The following RORB variants were observed in gnomAD, a reference collection of about 807,000 sequenced individuals.
RORB encodes nuclear receptor ROR-beta.
RORB carries 6 observed loss-of-function variants against 59.1 expected under a neutral mutation model. The ratio of observed to expected loss-of-function variants is 0.10; its 90% CI spans 0.06 to 0.20. The LOEUF (loss-of-function observed/expected upper bound fraction) is 0.20. Ranked by LOEUF, RORB falls within the 10% of genes least tolerant of loss-of-function variation. RORB has a pLI of 1.00. For synonymous variants in RORB, 215 were observed against 204.5 expected (o/e 1.05, Z -0.44); for missense variants, 320 against 560.5 (o/e 0.57, Z 4.33).
At chr9:74,631,139 G>A (rs1318362350) in intron 2 of RORB, among the ~76,000 whole-genome samples, 1 of 152,160 alleles carries the variant, frequency 6.6e-6, no homozygotes. Flanking sequence ...AAGAGCTGGA[G>A]GAATAGCAGT....
rs1824659384 is a variant in RORB at position 74,687,015 on chromosome 9, T to C, written c.*1397T>C. 1 of 152,146 alleles carries C rather than the reference T, an allele frequency of 6.6e-6. No individual in the cohort carries two copies. The highest frequency in any genetic ancestry group is 1.5e-5 in the Non-Finnish European group (1 of 68,006). 9.4% of individuals were successfully genotyped at this position (152,146 alleles called of 1,614,324 possible). On this transcript the variant is annotated 3_prime_UTR_variant, in exon 10 of 10. Coordinates refer to ENST00000376896, the MANE Select transcript of RORB (RefSeq NM_006914.4). ...AACTTTTAGAAATAAAGAATACAAC[T>C]GTGACATTAGGATCAGAGATTTTAG...
chr9:74,580,749 G>A (rs546575961), intron 1 of RORB, among the ~76,000 whole-genome samples: 24 of 152,192 alleles, frequency 1.6e-4, no homozygotes, highest in African/African-American at 5.8e-4. Context: ...AAGAAAACTC[G>A]CTAGCCAATG....
intron 1 of RORB, among the ~76,000 whole-genome samples, chr9:74,592,049 T>C (rs554860455): frequency 6.6e-6 from 1 of 152,140 alleles, no homozygotes; most frequent in East Asian, 1.9e-4. Flanking sequence ...AAATAGGAAG[T>C]AGATGACTGT....
chr9:74,602,245 G>A (rs772936599), intron 1 of RORB, among the ~76,000 whole-genome samples: 39 of 152,234 alleles, frequency 2.6e-4, no homozygotes, highest in Middle Eastern at 6.8e-3. Flanking sequence ...GATAAAAATC[G>A]CAAGATGTAA....
chr9:74,667,181 C>A (rs188874518), intron 7 of RORB, among the ~76,000 whole-genome samples: 13 of 152,106 alleles, frequency 8.5e-5, no homozygotes, highest in African/African-American at 3.1e-4. Context: ...TGCCAAAATA[C>A]GCAACAGCTA....
chr9:74,662,401 G>T, intron 5 of RORB, 73 bp from the exon 6 acceptor site: 1 of 1,501,500 alleles, frequency 6.7e-7, no homozygotes, highest in Admixed American at 1.7e-5. Flanking sequence ...CACCAGTAAG[G>T]CAAACCTGAG....
At chr9:74,571,596 C>T (rs549157464) in intron 1 of RORB, among the ~76,000 whole-genome samples, 70 of 152,024 alleles carry the variant, frequency 4.6e-4, no homozygotes, top group Non-Finnish European at 9.0e-4. Context: ...CAAATATTAT[C>T]ACTGCTGGAG....
At chr9:74,604,363 A>G (rs1455141580) in intron 1 of RORB, among the ~76,000 whole-genome samples, 2 of 152,198 alleles carry the variant, frequency 1.3e-5, no homozygotes, top group Admixed American at 6.5e-5. Context: ...TGTGCATTCA[A>G]CACATCACCC....
intron 1 of RORB, among the ~76,000 whole-genome samples, chr9:74,586,439 A>C (rs1037140106): frequency 6.6e-6 from 1 of 152,166 alleles, no homozygotes; most frequent in African/African-American, 2.4e-5. Context: ...TGGAGGTTGC[A>C]GTAAGCCTAG....
Position 74,520,605 on chromosome 9 carries a change from A to G in RORB, c.7+22622A>G, listed in dbSNP as rs1826072696. 2.0e-5 allele frequency among the ~76,000 whole-genome samples: 3 copies of G among 151,884 alleles called. No homozygotes were observed. The South Asian group carries it at 6.2e-4, about 31-fold the overall frequency. On this transcript the variant is annotated intron_variant, in intron 1 of 9. Coordinates refer to ENST00000376896, the MANE Select transcript of RORB (RefSeq NM_006914.4). ...TTTATTAAATTCAGATGATAGTGAG[A>G]TAAATTACCAGGTTCTTAACTGGTT...
In RORB at chr9:74,688,810, G is replaced by A. The variant is rs1032185780; in HGVS notation, c.*3192G>A. On this transcript the variant is annotated 3_prime_UTR_variant, in exon 10 of 10. Coordinates refer to ENST00000376896, the MANE Select transcript of RORB (RefSeq NM_006914.4). ...GGTCTCATTTTCTAAACTCTGCTAAGAGCCAAATAATCTAGCTGTCCCATT... is the reference window on the plus strand; with the variant it reads ...GGTCTCATTTTCTAAACTCTGCTAAAAGCCAAATAATCTAGCTGTCCCATT... The A allele has an allele frequency of 3.9e-5, 6 of 152,154 alleles. No individual in the cohort carries two copies. The highest frequency in any genetic ancestry group is 1.2e-4 in the African/African-American group (5 of 41,436). 9.4% of individuals were successfully genotyped at this position (152,154 alleles called of 1,614,324 possible). A position where few individuals can be genotyped will look rare whatever the true frequency, so the allele number is the denominator to read the frequency against.
chr9:74,624,309 G>A (rs182339982), intron 1 of RORB, among the ~76,000 whole-genome samples: 10 of 152,106 alleles, frequency 6.6e-5, no homozygotes, highest in East Asian at 1.9e-4. Flanking sequence ...GCTGATAGAC[G>A]TGAGAGTGTT....
At chr9:74,571,733 C>T (rs1196461193) in intron 1 of RORB, among the ~76,000 whole-genome samples, 1 of 152,128 alleles carries the variant, frequency 6.6e-6, no homozygotes, top group East Asian at 1.9e-4. Flanking sequence ...TTGACCTCCA[C>T]AATGTCATGC....
intron 4 of RORB, among the ~76,000 whole-genome samples, chr9:74,653,265 T>C (rs1266110323): frequency 2.6e-5 from 4 of 152,212 alleles, no homozygotes; most frequent in African/African-American, 9.6e-5. Flanking sequence ...AAACATGCCT[T>C]GGGCAAGTCC....
rs1039670969 is a variant in RORB, at chr9:74,691,211, G to A, written c.*5593G>A. On this transcript the variant is annotated 3_prime_UTR_variant, in exon 10 of 10. Transcript: ENST00000376896. The stretch of plus-strand genomic sequence containing the variant: ...AGTGGATCAGAGAAAGCAGCTCAGT[G>A]ATTGTTCTCATGGCCAAAAATAAAG... The A allele has an allele frequency of 5.9e-5, 9 of 152,234 alleles. No homozygotes were observed. The highest frequency in any genetic ancestry group is 1.3e-4 in the Admixed American group (2 of 15,266). The allele number at this position is 152,234 out of a possible 1,614,324, so 9.4% of individuals were successfully genotyped here.
intron 1 of RORB, among the ~76,000 whole-genome samples, chr9:74,511,060 A>G (rs1189462368): frequency 6.6e-6 from 1 of 152,226 alleles, no homozygotes; most frequent in Admixed American, 6.5e-5. Flanking sequence ...ACCTGTGCCT[A>G]AAAACGTATT....
intron 7 of RORB, 66 bp downstream of exon 7, chr9:74,665,661 A>T (rs1824252815): frequency 9.9e-7 from 1 of 1,012,796 alleles, no homozygotes; most frequent in Non-Finnish European, 1.6e-6. Context: ...TTAGATTGAA[A>T]TTGGTAAATG....
chr9:74,523,428 T>A (rs1018585), intron 1 of RORB, among the ~76,000 whole-genome samples: 1 of 152,054 alleles, frequency 6.6e-6, no homozygotes, highest in South Asian at 2.1e-4. Flanking sequence ...TTATCACAAC[T>A]GCCACTGGAT....
At chr9:74,545,147 G>C (rs908839001) in intron 1 of RORB, among the ~76,000 whole-genome samples, 2 of 149,260 alleles carry the variant, frequency 1.3e-5, no homozygotes, top group Admixed American at 1.3e-4. Flanking sequence ...TCTTCCTTCT[G>C]TTTTGCCAAG....
Sources: allele counts gnomAD v4.1 joint callset (sites outside exome capture counted in the v4.1 genomes callset), GRCh38; gene constraint gnomAD v4.1.1; transcripts MANE v1.5; gene names NCBI Gene and HGNC (gene_info 2026-07-23, HGNC 2026-07-21).